The following AP2B1 variants were observed in gnomAD, a reference collection of about 807,000 sequenced individuals.
AP2B1 encodes the protein adaptor related protein complex 2 subunit beta 1.
AP2B1 carries 23 observed loss-of-function variants against 102.0 expected under a neutral mutation model. The ratio of observed to expected loss-of-function variants is 0.23; its 90% CI spans 0.16 to 0.32. The LOEUF is 0.32. Ranked by LOEUF, AP2B1 falls within the 10% of genes least tolerant of loss-of-function variation. AP2B1 has a pLI of 1.00. For synonymous variants in AP2B1, 381 were observed against 421.2 expected (o/e 0.90, Z 1.17); for missense variants, 541 against 1,157.4 (o/e 0.47, Z 7.73).
At position 35,723,746 on chromosome 17, in the gene AP2B1, C is replaced by T; in HGVS notation, c.*47C>T. ...CAACCATGCTGTGATCGGTGCAAGT[C>T]AAGAACTCTTAACTGGAAGAAATTG... On this transcript the variant is annotated 3_prime_UTR_variant, in exon 22 of 22. Coordinates refer to ENST00000610402, the MANE Select transcript of AP2B1 (RefSeq NM_001030006.2). 7.4e-7 allele frequency: 1 copy of T among 1,348,966 alleles called. No homozygotes were observed. The highest frequency in any genetic ancestry group is 1.1e-6 in the Non-Finnish European group (1 of 940,216). 83.6% of individuals were successfully genotyped at this position (1,348,966 alleles called of 1,614,324 possible). A position where few individuals can be genotyped will look rare whatever the true frequency, so the allele number is the denominator to read the frequency against.
intron 14 of AP2B1, among the ~76,000 whole-genome samples, chr17:35,662,019 C>T (rs2075368475): frequency 6.6e-6 from 1 of 152,150 alleles, no homozygotes; most frequent in Admixed American, 6.5e-5. Context: ...GAATGTTTTG[C>T]CACAACATTC....
At chr17:35,667,634 T>G (rs1408249259) in intron 14 of AP2B1, among the ~76,000 whole-genome samples, 2 of 152,256 alleles carry the variant, frequency 1.3e-5, no homozygotes, top group Non-Finnish European at 2.9e-5. Flanking sequence ...TGAATGTGCT[T>G]TCTTTCCTTT....
At chr17:35,709,431 C>T (rs2076405102) in intron 19 of AP2B1, 123 bp downstream of exon 19, 1 of 733,686 alleles carries the variant, frequency 1.4e-6, no homozygotes, top group Non-Finnish European at 2.3e-6. Context: ...TAAGGATATT[C>T]TAAAGCTCTT....
chr17:35,606,242 A>AT (rs35218837), intron 4 of AP2B1, among the ~76,000 whole-genome samples: 9,860 of 145,286 alleles, frequency 0.068, 532 homozygotes, highest in East Asian at 0.15. Flanking sequence ...CATTTGATTA[A>AT]TTTTTTTTTT....
At chr17:35,650,867 T>G in intron 13 of AP2B1, 78 bp downstream of exon 13, 1 of 1,496,790 alleles carries the variant, frequency 6.7e-7, no homozygotes, top group South Asian at 1.3e-5. Context: ...GCTTTTATAG[T>G]CTGGAAAAGA....
At chr17:35,683,134 TCC>T (rs1249670510) in intron 18 of AP2B1, among the ~76,000 whole-genome samples, 1 of 152,112 alleles carries the variant, frequency 6.6e-6, no homozygotes, top group African/African-American at 2.4e-5. Context: ...CACATGGACC[TCC>T]CAAAGTGCTG....
At position 35,724,010 on chromosome 17, in the gene AP2B1, T is replaced by G; in HGVS notation, c.*311T>G. On this transcript the variant is annotated 3_prime_UTR_variant, in exon 22 of 22. Coordinates refer to ENST00000610402, the MANE Select transcript of AP2B1 (RefSeq NM_001030006.2). The stretch of plus-strand genomic sequence containing the variant: ...TTCTACACCCTCTTTTGAGTGTAGT[T>G]TGGTATTTTGTAATTGAGAGCTCAT... The G allele has an allele frequency of 3.5e-6, 1 of 288,578 alleles. No homozygotes were observed. The highest frequency in any genetic ancestry group is 6.5e-6 in the Non-Finnish European group (1 of 153,598). 17.9% of individuals were successfully genotyped at this position (288,578 alleles called of 1,614,324 possible). A position where few individuals can be genotyped will look rare whatever the true frequency, so the allele number is the denominator to read the frequency against.
intron 2 of AP2B1, chr17:35,597,155 A>G (rs948654938): frequency 1.2e-5 from 6 of 481,196 alleles, no homozygotes; most frequent in South Asian, 6.0e-5. Flanking sequence ...CTATGCTGGT[A>G]AATGAGATCT....
At chr17:35,670,362 T>G (rs1049957444) in intron 14 of AP2B1, among the ~76,000 whole-genome samples, 13 of 152,224 alleles carry the variant, frequency 8.5e-5, no homozygotes, top group Non-Finnish European at 1.9e-4. Context: ...GGCTCTTACT[T>G]TTTCAGTGGG....
chr17:35,627,333 G>A, intron 7 of AP2B1, 52 bp from the exon 8 acceptor site: 1 of 1,565,978 alleles, frequency 6.4e-7, no homozygotes, highest in Non-Finnish European at 8.7e-7. Flanking sequence ...TCTCAGAAGG[G>A]TATATCAGTA....
At chr17:35,723,575 G>A in intron 21 of AP2B1, 50 bp from the exon 22 acceptor site, 1 of 1,312,418 alleles carries the variant, frequency 7.6e-7, no homozygotes, top group South Asian at 1.2e-5. Context: ...TACCTTTAGA[G>A]CTAATGCCAA....
At chr17:35,722,454 C>T (rs2085428573) in intron 21 of AP2B1, among the ~76,000 whole-genome samples, 1 of 152,146 alleles carries the variant, frequency 6.6e-6, no homozygotes, top group Admixed American at 6.5e-5. Flanking sequence ...AATATTAAAG[C>T]TGTAAATCAA....
At chr17:35,592,931 A>C (rs1358832447) in intron 1 of AP2B1, among the ~76,000 whole-genome samples, 2 of 152,184 alleles carry the variant, frequency 1.3e-5, no homozygotes, top group African/African-American at 4.8e-5. Flanking sequence ...TTATTTAGTA[A>C]AAATGTGACC....
chr17:35,608,421 A>G, intron 5 of AP2B1, 34 bp downstream of exon 5: 1 of 1,610,888 alleles, frequency 6.2e-7, no homozygotes, highest in South Asian at 1.1e-5. Context: ...AGAGAGCAGT[A>G]TTTAAAATGA....
chr17:35,717,602 TGCTCAC>T (rs2143011821), intron 21 of AP2B1, among the ~76,000 whole-genome samples: 1 of 152,336 alleles, frequency 6.6e-6, no homozygotes, highest in East Asian at 1.9e-4. Flanking sequence ...TATACAGAGT[TGCTCAC>T]AAAACTTGGC....
At chr17:35,659,936 A>G in intron 14 of AP2B1, 1 of 985,414 alleles carries the variant, frequency 1.0e-6, no homozygotes, top group Non-Finnish European at 1.2e-6. Context: ...CATCACAAGG[A>G]AGACCTAAAT....
At chr17:35,682,965 C>T in intron 18 of AP2B1, 141 bp downstream of exon 18, 1 of 704,222 alleles carries the variant, frequency 1.4e-6, no homozygotes, top group South Asian at 2.4e-5. Flanking sequence ...GCAACCTCTG[C>T]CTCCTGGGTT....
chr17:35,697,409 A>G (rs1198399576), intron 18 of AP2B1, among the ~76,000 whole-genome samples: 2 of 152,238 alleles, frequency 1.3e-5, no homozygotes, highest in Non-Finnish European at 2.9e-5. Context: ...CCATGAGACT[A>G]TTAAATTATT....
At chr17:35,622,366 G>A (rs145226548) in intron 5 of AP2B1, among the ~76,000 whole-genome samples, 12 of 152,210 alleles carry the variant, frequency 7.9e-5, no homozygotes, top group African/African-American at 9.6e-5. Context: ...ATTTTTGTAA[G>A]TATATTATTT....
Sources: gnomAD v4.1 joint callset for allele counts (sites outside exome capture counted in the v4.1 genomes callset) on GRCh38, gnomAD v4.1.1 for gene constraint, MANE v1.5 for transcripts, NCBI Gene and HGNC (gene_info 2026-07-23, HGNC 2026-07-21) for gene names.